The following VDR variants were observed in gnomAD, a reference collection of about 807,000 sequenced individuals.
VDR encodes vitamin D3 receptor.
A neutral mutation model predicts 39.7 loss-of-function variants in VDR; 19 were observed. That is an observed-to-expected ratio of 0.48 (90% CI 0.33 to 0.70). The LOEUF (loss-of-function observed/expected upper bound fraction) is 0.70. Among genes scored for constraint, VDR ranks in the 30% least tolerant of loss-of-function variants. The probability of loss-of-function intolerance (pLI) is 0.02; values close to 1 mark genes in which losing one functional copy is unlikely to be tolerated. For missense variants in VDR, 442 were observed against 570.5 expected (o/e 0.77, Z 2.29); for synonymous variants, 242 against 215.8 (o/e 1.12, Z -1.07).
At chr12:47,876,596 C>A (rs1248572791) in intron 3 of VDR, among the ~76,000 whole-genome samples, 1 of 152,204 alleles carries the variant, frequency 6.6e-6, no homozygotes, top group African/African-American at 2.4e-5. Context: ...TCAAGGTGGA[C>A]TAAGAGTGGG....
intron 9 of VDR, 71 bp downstream of exon 9, chr12:47,846,264 C>G: frequency 1.4e-6 from 2 of 1,406,932 alleles, no homozygotes; most frequent in Non-Finnish European, 9.9e-7. Flanking sequence ...CCAGCTGGCC[C>G]TCAGCAGGTC....
Position 47,844,292 on chromosome 12 carries a change from T to C in VDR, c.*454A>G, listed in dbSNP as rs192888409. The C allele has an allele frequency of 1.6e-4, 41 of 251,528 alleles. No individual in the cohort carries two copies. The highest frequency in any genetic ancestry group is 2.7e-4 in the Non-Finnish European group (34 of 127,658). The allele number at this position is 251,528 out of a possible 1,614,324, so 15.6% of individuals were successfully genotyped here. A position where few individuals can be genotyped will look rare whatever the true frequency, so the allele number is the denominator to read the frequency against. Reference sequence around the variant, plus strand: ...TGGGGTGGGAGCTGTGGGCCGATTATTTATCGTGAGTAGGCAGGAGAGGGA... The same window carrying C: ...TGGGGTGGGAGCTGTGGGCCGATTACTTATCGTGAGTAGGCAGGAGAGGGA... On this transcript the variant is annotated 3_prime_UTR_variant, in exon 10 of 10. Coordinates refer to ENST00000549336, the MANE Select transcript of VDR (RefSeq NM_000376.3).
At chr12:47,881,731 T>G (rs1399859120) in intron 2 of VDR, among the ~76,000 whole-genome samples, 1 of 152,202 alleles carries the variant, frequency 6.6e-6, no homozygotes, top group African/African-American at 2.4e-5. Flanking sequence ...AAAAAGTGCT[T>G]GTGGATCTAT....
At chr12:47,904,644 G>A (rs1359079041) in intron 1 of VDR, 5 of 1,535,356 alleles carry the variant, frequency 3.3e-6, no homozygotes, top group African/African-American at 1.4e-5. Flanking sequence ...AAGGCGCCCC[G>A]ACAGAAGAAG....
chr12:47,879,108 C>T lies in VDR; in HGVS notation c.6G>A (p.Glu2=), dbSNP rs1471734135. The change falls in exon 3 of 10, where the codon GAG becomes GAA. Residue 2 remains glutamate (E), a synonymous_variant. Transcript: ENST00000549336. Reference sequence around the variant, plus strand: ...GCAGGGAAGTGCTGGCCGCCATTGCCTCCATCCCTGTAAGAACAGCAAGCA... The same window carrying T: ...GCAGGGAAGTGCTGGCCGCCATTGCTTCCATCCCTGTAAGAACAGCAAGCA... M[E]AMAASTSLPD... 1.3e-5 allele frequency: 21 copies of T among 1,613,872 alleles called. No homozygotes were observed. The highest frequency in any genetic ancestry group is 2.7e-5 in the African/African-American group (2 of 74,924).
Position 47,879,016 on chromosome 12 carries a change from C to T in VDR, c.98G>A (p.Gly33Asp), listed in dbSNP as rs121909790. 1 of 1,614,220 alleles carries T rather than the reference C, an allele frequency of 6.2e-7. No homozygotes were observed. Among genetic ancestry groups the T allele is most frequent in the Non-Finnish European group, 8.5e-7 (1 of 1,180,024 alleles). Reference sequence around the variant, plus strand: ...ACAGGTCATAGCATTGAAGTGAAAGCCAGTGGCTCGGTCTCCACACACCCC... The same window carrying T: ...ACAGGTCATAGCATTGAAGTGAAAGTCAGTGGCTCGGTCTCCACACACCCC... ...ICGVCGDRATGFHFNAMTCEG... is the reference protein window; with the variant it reads ...ICGVCGDRATDFHFNAMTCEG... The change falls in exon 3 of 10, where the codon GGC becomes GAC. Residue 33 changes from glycine (G) to aspartate (D), a missense_variant. Transcript: ENST00000549336.
intron 7 of VDR, among the ~76,000 whole-genome samples, chr12:47,849,703 C>G (rs912417887): frequency 1.3e-5 from 2 of 152,170 alleles, no homozygotes; most frequent in African/African-American, 4.8e-5. Context: ...AACACCATCC[C>G]CATTTTTGTT....
At chr12:47,868,289 C>G (rs1945777943) in intron 3 of VDR, among the ~76,000 whole-genome samples, 2 of 152,208 alleles carry the variant, frequency 1.3e-5, no homozygotes, top group African/African-American at 4.8e-5. Flanking sequence ...GGCTCTGGTA[C>G]CCTGCTGTGA....
At chr12:47,882,927 CA>C (rs1330208546) in intron 1 of VDR, 153 bp from the exon 2 acceptor site, 1 of 588,730 alleles carries the variant, frequency 1.7e-6, no homozygotes, top group Non-Finnish European at 2.9e-6. Context: ...GCAGGCATGC[CA>C]TGTCATCGCT....
At position 47,842,458 on chromosome 12, in the gene VDR, G is replaced by A. The variant is rs1200631492; in HGVS notation, c.*2288C>T. Reference sequence around the variant, plus strand: ...CACCGGACCATGACTCCAAAATCTGGTCCTGTCCTGGTCCACTTCTAAGAC... The same window carrying A: ...CACCGGACCATGACTCCAAAATCTGATCCTGTCCTGGTCCACTTCTAAGAC... On this transcript the variant is annotated 3_prime_UTR_variant, in exon 10 of 10. Coordinates refer to ENST00000549336, the MANE Select transcript of VDR (RefSeq NM_000376.3). The A allele has an allele frequency of 6.6e-6, 1 of 152,240 alleles. No individual in the cohort carries two copies. Among genetic ancestry groups the A allele is most frequent in the African/African-American group, 2.4e-5 (1 of 41,410 alleles). 9.4% of individuals were successfully genotyped at this position (152,240 alleles called of 1,614,324 possible). A position where few individuals can be genotyped will look rare whatever the true frequency, so the allele number is the denominator to read the frequency against.
Position 47,879,054 on chromosome 12 carries a change from C to T in VDR, c.60G>A (p.Val20=), listed in dbSNP as rs779678746. 6.2e-7 allele frequency: 1 copy of T among 1,614,188 alleles called. No homozygotes were observed. The highest frequency in any genetic ancestry group is 8.5e-7 in the Non-Finnish European group (1 of 1,180,024). ...CTCCACACACCCCACAGATCCGGGG[C>T]ACGTTCCGGTCAAAGTCTCCAGGGT... ...LPDPGDFDRN[V]PRICGVCGDR... is the part of the protein sequence containing the mutation. The change falls in exon 3 of 10, where the codon GTG becomes GTA. Residue 20 remains valine, a synonymous_variant. Coordinates refer to ENST00000549336, the MANE Select transcript of VDR (RefSeq NM_000376.3).
At chr12:47,858,476 G>A (rs1265778374) in intron 4 of VDR, among the ~76,000 whole-genome samples, 1 of 152,226 alleles carries the variant, frequency 6.6e-6, no homozygotes, top group Non-Finnish European at 1.5e-5. Flanking sequence ...CAAAGGGTGA[G>A]GCCTTGCAGC....
At chr12:47,897,273 T>C (rs1260065325) in intron 1 of VDR, among the ~76,000 whole-genome samples, 1 of 152,344 alleles carries the variant, frequency 6.6e-6, no homozygotes, top group South Asian at 2.1e-4. Context: ...TAGTGAGTTA[T>C]AGTAACCATT....
intron 7 of VDR, among the ~76,000 whole-genome samples, chr12:47,853,282 A>G (rs1945422098): frequency 6.6e-6 from 1 of 151,602 alleles, no homozygotes; most frequent in Non-Finnish European, 1.5e-5. Flanking sequence ...CTCTACTAAA[A>G]ATACAAAAAA....
intron 7 of VDR, among the ~76,000 whole-genome samples, chr12:47,850,785 C>T (rs1047752379): frequency 6.6e-6 from 1 of 151,428 alleles, no homozygotes; most frequent in Non-Finnish European, 1.5e-5. Flanking sequence ...CGCCTGCAGC[C>T]GCTTCTGGGC....
At chr12:47,864,982 A>C (rs537808223) in intron 4 of VDR, 65 bp downstream of exon 4, 8 of 1,605,476 alleles carry the variant, frequency 5.0e-6, no homozygotes, top group Non-Finnish European at 6.8e-6. Context: ...CTTGCAGGAG[A>C]GTGGCCAAGG....
chr12:47,848,513 C>T (rs540545689), intron 7 of VDR, among the ~76,000 whole-genome samples: 4 of 148,790 alleles, frequency 2.7e-5, no homozygotes, highest in South Asian at 2.1e-4. Flanking sequence ...TTATTTTGCC[C>T]GTCTCCTCCA....
At chr12:47,895,075 G>A (rs1946440723) in intron 1 of VDR, among the ~76,000 whole-genome samples, 2 of 152,228 alleles carry the variant, frequency 1.3e-5, no homozygotes. Context: ...TATTTCAAAT[G>A]TGTTATAAAA....
At chr12:47,904,840 G>C in intron 1 of VDR, 115 bp downstream of exon 1, 1 of 475,580 alleles carries the variant, frequency 2.1e-6, no homozygotes, top group Non-Finnish European at 3.8e-6. Context: ...CAAGTTTACC[G>C]CTGAGACTTA....
Sources: allele counts gnomAD v4.1 joint callset (sites outside exome capture counted in the v4.1 genomes callset), GRCh38; gene constraint gnomAD v4.1.1; transcripts MANE v1.5; gene names NCBI Gene and HGNC (gene_info 2026-07-23, HGNC 2026-07-21).